ZNF397: variants seen among roughly 807,000 people sequenced by gnomAD.
The protein encoded by ZNF397 is zinc finger protein 397, also known as zinc finger and SCAN domain-containing protein 15.
A neutral mutation model predicts 50.6 loss-of-function variants in ZNF397; 38 were observed. The observed-to-expected ratio is 0.75, with a 90% CI of 0.58 to 0.98. ZNF397 has a LOEUF of 0.98. Among genes scored for constraint, ZNF397 ranks in the 50% least tolerant of loss-of-function variants. The pLI is 0.00. For synonymous variants in ZNF397, 228 were observed against 215.2 expected (o/e 1.06, Z -0.52); for missense variants, 624 against 624.1 (o/e 1.00, Z 0.00).
downstream of ZNF397, chr18:35,253,762 C>G (rs376553539): frequency 2.4e-5 from 38 of 1,613,058 alleles, no homozygotes; most frequent in African/African-American, 5.0e-4. Context: ...TGAAGGCCTT[C>G]CCACATTCTC....
In ZNF397 at chr18:35,246,930, T is replaced by C; in HGVS notation, c.*620T>C. On this transcript the variant is annotated 3_prime_UTR_variant, in exon 4 of 4. Coordinates refer to ENST00000330501, the MANE Select transcript of ZNF397 (RefSeq NM_001135178.3). Reference sequence around the variant, plus strand: ...CAAGACTGTAGTCTCTACAGTCTAATGGGCAAGGCAGCCAGACAGGCAGTG... The same window carrying C: ...CAAGACTGTAGTCTCTACAGTCTAACGGGCAAGGCAGCCAGACAGGCAGTG... The C allele has an allele frequency of 1.1e-6, 1 of 922,858 alleles. No homozygotes were observed. The allele number at this position is 922,858 out of a possible 1,614,324, so 57.2% of individuals were successfully genotyped here. A position where few individuals can be genotyped will look rare whatever the true frequency, so the allele number is the denominator to read the frequency against.
At position 35,245,769 on chromosome 18, in the gene ZNF397, C is replaced by CCCT. The variant is rs1168752150; in HGVS notation, c.1066_1068dup (p.Leu356dup). On this transcript the variant is annotated inframe_insertion, in exon 4 of 4. Coordinates refer to ENST00000330501, the MANE Select transcript of ZNF397 (RefSeq NM_001135178.3). ...GGGAAAGCTTTCAATCAGAGCTCAGCCCTCATTAGACATCGGAAAATCCAT... is the reference window on the plus strand; with the variant it reads ...GGGAAAGCTTTCAATCAGAGCTCAGCCCTCCTCATTAGACATCGGAAAATCCAT... The CCCT allele has an allele frequency of 9.0e-6, 14 of 1,551,540 alleles. No individual in the cohort carries two copies. Among genetic ancestry groups the CCCT allele is most frequent in the African/African-American group, 1.4e-5 (1 of 72,892 alleles).
downstream of ZNF397, chr18:35,253,395 C>T (rs1168681273): frequency 1.4e-6 from 2 of 1,449,756 alleles, no homozygotes; most frequent in Non-Finnish European, 1.9e-6. Context: ...TGTGGAGTCT[C>T]ACCCCTACAG....
chr18:35,245,605 AAC>A lies in ZNF397; in HGVS notation c.904_905del (p.Gln302ThrfsTer12), dbSNP rs2043464319. 6.4e-7 allele frequency: 1 copy of A among 1,553,978 alleles called. No homozygotes were observed. On this transcript the variant is annotated frameshift_variant, in exon 4 of 4. Transcript: ENST00000330501. LOFTEE classifies it high-confidence loss of function. ...ACAGCTTCAAGCAGCATTCCTCTCT[AAC>A]ACAACATCAGAGAATCCATACTGGA... ...GHSFKQHSSL[T>X]QHQRIHTGEK...
At chr18:35,242,167 C>T (rs1454897547) in intron 1 of ZNF397, among the ~76,000 whole-genome samples, 3 of 152,190 alleles carry the variant, frequency 2.0e-5, no homozygotes, top group Admixed American at 6.5e-5. Flanking sequence ...CATTCTTAGG[C>T]TTCTAAAATA....
At position 35,246,135 on chromosome 18, in the gene ZNF397, G is replaced by C; in HGVS notation, c.1430G>C (p.Gly477Ala). ...NLIRHQRIHS[G>A]EEPYQCNECG... ...ATCAGACATCAGAGAATTCATAGTG[G>C]GGAGGAACCTTATCAGTGTAATGAA... is the stretch of plus-strand genomic sequence containing the variant. The change falls in exon 4 of 4, where the codon GGG (glycine) becomes GCG (alanine). Residue 477 changes from glycine to alanine, a missense_variant. Physicochemically the swap from Gly to Ala is moderately conservative, Grantham distance 60. Coordinates refer to ENST00000330501, the MANE Select transcript of ZNF397 (RefSeq NM_001135178.3). 1.3e-6 allele frequency: 2 copies of C among 1,551,406 alleles called. No homozygotes were observed. The highest frequency in any genetic ancestry group is 1.7e-6 in the Non-Finnish European group (2 of 1,146,620).
chr18:35,243,155 C>T lies in ZNF397; in HGVS notation c.418C>T (p.Pro140Ser), dbSNP rs140947451. 8.7e-6 allele frequency: 14 copies of T among 1,613,970 alleles called. No homozygotes were observed. The African/African-American group carries it at 1.6e-4, about 18-fold the overall frequency. ...AACCATATTTTACTGATTTCAGGTC[C>T]CAGCTAGTCCACAGGGACCAGCAGT... ...REFDDPGQQV[P>S]ASPQGPAVPW... The change falls in exon 3 of 4, where the codon CCA becomes TCA. Residue 140 changes from proline (P) to serine (S), a missense_variant. Coordinates refer to ENST00000330501, the MANE Select transcript of ZNF397 (RefSeq NM_001135178.3).
Position 35,257,938 on chromosome 18 carries a change from A to G in ZNF397, c.828A>G (p.Ter276TrpextTer6), listed in dbSNP as rs771661392. The G allele has an allele frequency of 3.8e-6, 3 of 781,060 alleles. No individual in the cohort carries two copies. The South Asian group carries it at 4.0e-5, about 10-fold the overall frequency. 48.4% of individuals were successfully genotyped at this position (781,060 alleles called of 1,614,324 possible). The change falls in exon 6 of 6, where the codon TGA (stop) becomes TGG (tryptophan). Residue 276 changes from the stop codon to tryptophan, a stop_lost. Transcript: ENST00000261333. ...CTCTCTCCATTACAGATTTTTCCTG[A>G]AGAACACATCGTCAATAAATCACCT...
chr18:35,245,255 G>A lies in ZNF397; in HGVS notation c.557-7G>A, dbSNP rs373515656. The A allele has an allele frequency of 8.7e-5, 137 of 1,578,916 alleles. No homozygotes were observed. The highest frequency in any genetic ancestry group is 1.1e-4 in the Non-Finnish European group (128 of 1,161,972). ...AATATCTGTTTTTTTGCTACTTATTGTTTCAGATTGTGAGAACAGTGAAAC... is the reference window on the plus strand; with the variant it reads ...AATATCTGTTTTTTTGCTACTTATTATTTCAGATTGTGAGAACAGTGAAAC... On this transcript the variant is annotated splice_region_variant and splice_polypyrimidine_tract_variant and intron_variant, in intron 3 of 3. Transcript: ENST00000330501.
At position 35,243,261 on chromosome 18, in the gene ZNF397, A is replaced by C. The variant is rs770641184; in HGVS notation, c.524A>C (p.Lys175Thr). Residue 175 changes from lysine (K) to threonine (T), a missense_variant, in exon 3 of 4, where the codon AAA becomes ACA. Transcript: ENST00000330501. ...IHLQPLKTQL[K>T]SWKPCLSPKS... ...CTCCAGCCCTTAAAGACACAGCTGA[A>C]ATCCTGGAAACCATGCCTTTCCCCT... 1 of 1,614,212 alleles carries C rather than the reference A, an allele frequency of 6.2e-7. No individual in the cohort carries two copies. The highest frequency in any genetic ancestry group is 8.5e-7 in the Non-Finnish European group (1 of 1,180,044).
downstream of ZNF397, among the ~76,000 whole-genome samples, chr18:35,250,902 CTG>C (rs1467720624): frequency 1.3e-5 from 2 of 152,208 alleles, no homozygotes; most frequent in South Asian, 4.1e-4. Flanking sequence ...GCCCCAGAGA[CTG>C]TCTCTTTTAG....
downstream of ZNF397, chr18:35,254,155 T>C (rs896646295): frequency 1.2e-6 from 2 of 1,614,202 alleles, no homozygotes; most frequent in Non-Finnish European, 1.7e-6. Context: ...TGTTGAAGGT[T>C]GCCAGACTGA....
chr18:35,246,300 C>G lies in ZNF397; in HGVS notation c.1595C>G (p.Thr532Ser), dbSNP rs1008207723. 2.6e-6 allele frequency: 4 copies of G among 1,534,520 alleles called. No individual in the cohort carries two copies. The highest frequency in any genetic ancestry group is 2.8e-5 in the African/African-American group (2 of 71,890). Residue 532 changes from threonine to serine, a missense_variant, in exon 4 of 4, where the codon ACT becomes AGT. Transcript: ENST00000330501. Reference sequence around the variant, plus strand: ...CTTATGCGCCATCAAAGAGTCCACACTATAAAGTAATTTGTGAATACTGTG... The same window carrying G: ...CTTATGCGCCATCAAAGAGTCCACAGTATAAAGTAATTTGTGAATACTGTG... Reference protein sequence around the residue: ...SVLMRHQRVHTIK With the variant: ...SVLMRHQRVHSIK
downstream of ZNF397, chr18:35,259,062 C>A (rs1293951873): frequency 6.5e-6 from 1 of 153,382 alleles, no homozygotes; most frequent in Non-Finnish European, 1.5e-5. Context: ...GTTTCCACAA[C>A]AAAATACCAC....
chr18:35,253,347 A>G (rs2043662182), downstream of ZNF397: 3 of 875,790 alleles, frequency 3.4e-6, no homozygotes. Context: ...ACTGGGAGGG[A>G]AGGACAGAAG....
In ZNF397 at chr18:35,246,653, T is replaced by C; in HGVS notation, c.*343T>C. 7.7e-6 allele frequency: 8 copies of C among 1,041,950 alleles called. No individual in the cohort carries two copies. Among genetic ancestry groups the C allele is most frequent in the Non-Finnish European group, 9.2e-6 (8 of 865,530 alleles). The allele number at this position is 1,041,950 out of a possible 1,614,324, so 64.5% of individuals were successfully genotyped here. On this transcript the variant is annotated 3_prime_UTR_variant, in exon 4 of 4. Transcript: ENST00000330501. ...CTCTGTCACTGCATCTGATTGTTAG[T>C]GTGCCAGGTTATGGGGCTGGTGTGG...
Position 35,246,239 on chromosome 18 carries a change from A to T in ZNF397, c.1534A>T (p.Asn512Tyr). 1 of 1,552,228 alleles carries T rather than the reference A, an allele frequency of 6.4e-7. No individual in the cohort carries two copies. Among genetic ancestry groups the T allele is most frequent in the Non-Finnish European group, 8.7e-7 (1 of 1,147,112 alleles). ...IHSGDEAYICNECGKAFRHRS... is the reference protein window; with the variant it reads ...IHSGDEAYICYECGKAFRHRS... ...TTCTGGGGATGAAGCTTATATATGT[A>T]ATGAATGTGGGAAGGCTTTCAGGCA... The change falls in exon 4 of 4, where the codon AAT becomes TAT. Residue 512 changes from asparagine to tyrosine, a missense_variant. Asn to Tyr is a moderately radical substitution (Grantham distance 143). Coordinates refer to ENST00000330501, the MANE Select transcript of ZNF397 (RefSeq NM_001135178.3).
At position 35,246,463 on chromosome 18, in the gene ZNF397, A is replaced by G. The variant is rs1017921270; in HGVS notation, c.*153A>G. On this transcript the variant is annotated 3_prime_UTR_variant, in exon 4 of 4. Coordinates refer to ENST00000330501, the MANE Select transcript of ZNF397 (RefSeq NM_001135178.3). ...GTGCAGCATTTCCCAGTGCTAATGT[A>G]AAGTGTCCCTTGAAAGCTTTTCCTG... is the stretch of plus-strand genomic sequence containing the variant. 102 of 1,425,272 alleles carry G rather than the reference A, an allele frequency of 7.2e-5. No homozygotes were observed. The Middle Eastern group carries it at 3.1e-3, about 43-fold the overall frequency. The allele number at this position is 1,425,272 out of a possible 1,614,324, so 88.3% of individuals were successfully genotyped here. A position where few individuals can be genotyped will look rare whatever the true frequency, so the allele number is the denominator to read the frequency against.
In ZNF397 at chr18:35,242,469, G is replaced by A. The variant is rs1459823851; in HGVS notation, c.-2G>A. The stretch of plus-strand genomic sequence containing the variant: ...CTTTTTGCTAAGCTGTTTCAGCCAA[G>A]AATGGCTGTGGAATCTGGAGTGATT... On this transcript the variant is annotated 5_prime_UTR_variant, in exon 2 of 4. Transcript: ENST00000330501. 1.9e-6 allele frequency: 3 copies of A among 1,609,420 alleles called. No individual in the cohort carries two copies. The highest frequency in any genetic ancestry group is 3.4e-5 in the Admixed American group (2 of 59,526).
Sources: gnomAD v4.1 joint callset for allele counts (sites outside exome capture counted in the v4.1 genomes callset) on GRCh38, gnomAD v4.1.1 for gene constraint, MANE v1.5 for transcripts, NCBI Gene and HGNC (gene_info 2026-07-23, HGNC 2026-07-21) for gene names.